BDH2: variants seen among roughly 807,000 people sequenced by gnomAD.
BDH2 encodes dehydrogenase/reductase SDR family member 6.
In BDH2, 24 loss-of-function variants were observed where a neutral mutation model predicts 33.2. The observed-to-expected ratio is 0.72, with a 90% CI of 0.52 to 1.02. The LOEUF is 1.02. Ranked by LOEUF, BDH2 falls within the 50% of genes least tolerant of loss-of-function variation. The pLI is 0.00. For synonymous variants in BDH2, 81 were observed against 101.6 expected, an observed-to-expected ratio of 0.80 and a Z score of 1.22; for missense variants, 249 against 301.6, an observed-to-expected ratio of 0.83 and a Z score of 1.29.
intron 1 of BDH2, 33 bp from the exon 2 acceptor site, chr4:103,096,307 T>TAG (rs1748402815): frequency 7.2e-7 from 1 of 1,382,116 alleles, no homozygotes; most frequent in Non-Finnish European, 1.0e-6. Context: ...GGTTATACTG[T>TAG]AGAACATGAT....
intron 8 of BDH2, 27 bp downstream of exon 8, chr4:103,082,844 T>G: frequency 2.5e-6 from 4 of 1,577,676 alleles, no homozygotes; most frequent in Non-Finnish European, 3.5e-6. Flanking sequence ...ACAAAAGGTT[T>G]AAATACATTT....
chr4:103,087,947 T>C (rs1369725984), intron 5 of BDH2, among the ~76,000 whole-genome samples: 1 of 152,090 alleles, frequency 6.6e-6, no homozygotes. Context: ...GTGGCCAAGA[T>C]GATTGATTTC....
Position 103,078,442 on chromosome 4 carries a change from C to T in BDH2, c.*1260G>A, listed in dbSNP as rs1394931782. On this transcript the variant is annotated 3_prime_UTR_variant, in exon 10 of 10. Transcript: ENST00000296424. The stretch of plus-strand genomic sequence containing the variant: ...TCCCTCTAACTGACAATATTGTTAG[C>T]TAACTATATATTTCTTAGGCCCATG... 6.6e-6 allele frequency among the ~76,000 whole-genome samples: 1 copy of T among 152,120 alleles called. No individual in the cohort carries two copies. The highest frequency in any genetic ancestry group is 6.5e-5 in the Admixed American group (1 of 15,274).
At chr4:103,083,872 C>A (rs1002799857) in intron 7 of BDH2, among the ~76,000 whole-genome samples, 2 of 152,152 alleles carry the variant, frequency 1.3e-5, no homozygotes, top group Non-Finnish European at 2.9e-5. Flanking sequence ...AATCAGAAAG[C>A]CTGACTCCAT....
chr4:103,082,185 GACCAT>G lies in BDH2; in HGVS notation c.592-17_592-13del, dbSNP rs757153905. 13 of 1,607,624 alleles carry G rather than the reference GACCAT, an allele frequency of 8.1e-6. No homozygotes were observed. The South Asian group carries it at 1.1e-4, about 14-fold the overall frequency. On this transcript the variant is annotated splice_polypyrimidine_tract_variant and intron_variant, in intron 8 of 9. Transcript: ENST00000296424. ...AAATCATTCCGTGCCTGTGACCAGA[GACCAT>G]ACCAGACATTAGTGATGGAAGCAGC...
At chr4:103,086,674 A>G (rs1747807733) in intron 5 of BDH2, 134 bp from the exon 6 acceptor site, 2 of 1,152,690 alleles carry the variant, frequency 1.7e-6, no homozygotes, top group African/African-American at 3.1e-5. Flanking sequence ...CACATTAAGC[A>G]CTATTAAGCA....
At chr4:103,097,742 CTT>C (rs1451873368) in intron 1 of BDH2, 1 of 152,230 alleles carries the variant, frequency 6.6e-6, no homozygotes, top group African/African-American at 2.4e-5. Context: ...GAAGTTGAGA[CTT>C]TTGTTTCCAG....
chr4:103,099,717 T>A (rs1748566894), intron 1 of BDH2, 66 bp downstream of exon 1: 1 of 152,106 alleles, frequency 6.6e-6, no homozygotes, highest in African/African-American at 2.4e-5. Context: ...AAAAACAACA[T>A]CTAAAAATTA....
intron 5 of BDH2, 120 bp downstream of exon 5, chr4:103,091,057 T>C (rs1412294086): frequency 5.0e-6 from 3 of 603,082 alleles, no homozygotes; most frequent in Non-Finnish European, 9.0e-6. Flanking sequence ...AAATGTTCAA[T>C]GCAAGTTAAT....
At chr4:103,092,429 T>C (rs1418156799) in intron 4 of BDH2, 171 bp downstream of exon 4, 2 of 609,066 alleles carry the variant, frequency 3.3e-6, no homozygotes, top group Non-Finnish European at 5.8e-6. Flanking sequence ...AAGGCTGTCT[T>C]ACCTGCTGAA....
intron 4 of BDH2, 140 bp downstream of exon 4, chr4:103,092,460 C>T (rs879125151): frequency 4.7e-6 from 3 of 644,414 alleles, no homozygotes; most frequent in Non-Finnish European, 8.2e-6. Context: ...AATGAAAATG[C>T]TGTGTAAAAT....
rs900058468 is a variant in BDH2 at position 103,078,413 on chromosome 4, G to T, written c.*1289C>A. On this transcript the variant is annotated 3_prime_UTR_variant, in exon 10 of 10. Coordinates refer to ENST00000296424, the MANE Select transcript of BDH2 (RefSeq NM_020139.4). ...AGAAATCTGTACTTAATTTAGAAAA[G>T]AAATCCCTCTAACTGACAATATTGT... Among the ~76,000 whole-genome samples, 1 of 152,114 alleles carries T rather than the reference G, an allele frequency of 6.6e-6. No homozygotes were observed. Among genetic ancestry groups the T allele is most frequent in the African/African-American group, 2.4e-5 (1 of 41,400 alleles).
At chr4:103,080,836 C>G (rs1366587186) in intron 9 of BDH2, among the ~76,000 whole-genome samples, 1 of 152,224 alleles carries the variant, frequency 6.6e-6, no homozygotes, top group Non-Finnish European at 1.5e-5. Flanking sequence ...GATACGGATT[C>G]AGAGAAATCA....
At chr4:103,086,208 C>T (rs1356925160) in intron 6 of BDH2, 2 of 1,220,694 alleles carry the variant, frequency 1.6e-6, no homozygotes, top group Non-Finnish European at 1.0e-6. Flanking sequence ...TTAAATGGTT[C>T]TTTCTCCCAG....
Position 103,082,126 on chromosome 4 carries a change from A to G in BDH2, c.639T>C (p.Thr213=), listed in dbSNP as rs750542593. Residue 213 remains threonine (T), a synonymous_variant, in exon 9 of 10, where the codon ACT becomes ACC. Coordinates refer to ENST00000296424, the MANE Select transcript of BDH2 (RefSeq NM_020139.4). Reference sequence around the variant, plus strand: ...CGCAGAGCATGGCTATTTCTTCTGCAGTTGCGAATCTTCCCGTCTTTTGTC... The same window carrying G: ...CGCAGAGCATGGCTATTTCTTCTGCGGTTGCGAATCTTCCCGTCTTTTGTC... ...LKRQKTGRFA[T]AEEIAMLCVY... 3.7e-6 allele frequency: 6 copies of G among 1,614,186 alleles called. No homozygotes were observed. Among genetic ancestry groups the G allele is most frequent in the Non-Finnish European group, 5.1e-6 (6 of 1,180,026 alleles).
chr4:103,093,706 TATATAATA>T (rs977582247), intron 3 of BDH2, among the ~76,000 whole-genome samples: 3 of 146,444 alleles, frequency 2.0e-5, no homozygotes, highest in Non-Finnish European at 4.5e-5. Context: ...ATATGTATAA[TATATAATA>T]ATATATGTAT....
chr4:103,093,391 CAGA>C (rs1331261300), intron 3 of BDH2, among the ~76,000 whole-genome samples: 1 of 151,722 alleles, frequency 6.6e-6, no homozygotes, highest in Admixed American at 6.6e-5. Flanking sequence ...ATGAGAGGGT[CAGA>C]AGAAGGGATG....
Position 103,086,473 on chromosome 4 carries a change from G to GACCC in BDH2, c.418+3_418+6dup, listed in dbSNP as rs561256094. ...GCATCGCAGTCCTCGGAAGGAGACAGACCCACCTTTGACGCTGGAAGCCAC... is the reference window on the plus strand; with the variant it reads ...GCATCGCAGTCCTCGGAAGGAGACAGACCCACCCACCTTTGACGCTGGAAGCCAC... On this transcript the variant is annotated splice_region_variant and intron_variant, in intron 6 of 9. Coordinates refer to ENST00000296424, the MANE Select transcript of BDH2 (RefSeq NM_020139.4). 261 of 1,612,212 alleles carry GACCC rather than the reference G, an allele frequency of 1.6e-4. No individual in the cohort carries two copies. The African/African-American group carries it at 3.3e-3, about 20-fold the overall frequency.
At chr4:103,096,072 G>T in intron 2 of BDH2, 111 bp downstream of exon 2, 1 of 707,096 alleles carries the variant, frequency 1.4e-6, no homozygotes, top group Non-Finnish European at 2.3e-6. Context: ...AAGCACAAAA[G>T]TAAAAAAATA....
Sources: gnomAD v4.1 joint callset for allele counts (sites outside exome capture counted in the v4.1 genomes callset) on GRCh38, gnomAD v4.1.1 for gene constraint, MANE v1.5 for transcripts, NCBI Gene and HGNC (gene_info 2026-07-23, HGNC 2026-07-21) for gene names.